The following DSG1 variants were observed in gnomAD, a reference collection of about 807,000 sequenced individuals.
DSG1 encodes desmoglein-1.
A neutral mutation model predicts 97.5 loss-of-function variants in DSG1; 39 were observed. The ratio of observed to expected loss-of-function variants is 0.40; its 90% CI spans 0.31 to 0.52. The LOEUF (loss-of-function observed/expected upper bound fraction) is 0.52. Among genes scored for constraint, DSG1 ranks in the 20% least tolerant of loss-of-function variants. DSG1 has a pLI of 0.53. For synonymous variants in DSG1, 475 were observed against 443.4 expected, an observed-to-expected ratio of 1.07 and a Z score of -0.90; for missense variants, 1,311 against 1,295.4, an observed-to-expected ratio of 1.01 and a Z score of -0.18.
At position 31,328,076 on chromosome 18, in the gene DSG1, A is replaced by G; in HGVS notation, c.217-113A>G. On this transcript the variant is annotated intron_variant, in intron 3 of 14. Transcript: ENST00000257192. ...TAGGAAAATAATCTCCATTGACAAC[A>G]TTTCCTAAATAACAAGGTCATCACA... The G allele has an allele frequency of 4.6e-6, 5 of 1,079,898 alleles. No homozygotes were observed. In the East Asian group the frequency reaches 1.0e-4, roughly 22 times the overall value. The allele number at this position is 1,079,898 out of a possible 1,614,324, so 66.9% of individuals were successfully genotyped here. A position where few individuals can be genotyped will look rare whatever the true frequency, so the allele number is the denominator to read the frequency against.
At chr18:31,326,739 G>A in intron 2 of DSG1, 123 bp downstream of exon 2, 1 of 1,335,808 alleles carries the variant, frequency 7.5e-7, no homozygotes, top group East Asian at 2.3e-5. Flanking sequence ...AAAATTAATA[G>A]ATTACCAAAA....
At chr18:31,333,410 G>A (rs528764750) in intron 6 of DSG1, among the ~76,000 whole-genome samples, 179 bp from the exon 7 acceptor site, 14 of 152,160 alleles carry the variant, frequency 9.2e-5, no homozygotes, top group African/African-American at 3.1e-4. Flanking sequence ...TAAATAATGC[G>A]TGATAAGTAT....
At chr18:31,343,635 T>C in intron 12 of DSG1, 52 bp downstream of exon 12, 1 of 1,613,528 alleles carries the variant, frequency 6.2e-7, no homozygotes, top group Non-Finnish European at 8.5e-7. Context: ...AAATTCAGTC[T>C]TTACACATGA....
At chr18:31,354,208 C>G in intron 14 of DSG1, 89 bp from the exon 15 acceptor site, 1 of 1,146,820 alleles carries the variant, frequency 8.7e-7, no homozygotes, top group Non-Finnish European at 1.3e-6. Flanking sequence ...TTTGGAAATG[C>G]TCTGGAAGAA....
rs1216005466 is a variant in DSG1 at position 31,357,812 on chromosome 18, A to G, written c.*2466A>G. 6.6e-6 allele frequency among the ~76,000 whole-genome samples: 1 copy of G among 152,038 alleles called. No homozygotes were observed. Among genetic ancestry groups the G allele is most frequent in the Non-Finnish European group, 1.5e-5 (1 of 67,896 alleles). On this transcript the variant is annotated 3_prime_UTR_variant, in exon 15 of 15. Transcript: ENST00000257192. ...TGGGAAAAACAAGAAAAACTGAAGTATTAGTCACCTATCTTTCTGGGAAGA... is the reference window on the plus strand; with the variant it reads ...TGGGAAAAACAAGAAAAACTGAAGTGTTAGTCACCTATCTTTCTGGGAAGA...
rs1419855302 is a variant in DSG1, at chr18:31,359,113, C to G, written c.*3767C>G. On this transcript the variant is annotated 3_prime_UTR_variant, in exon 15 of 15. Transcript: ENST00000257192. ...CTGGTGGTGTTTAACACAAGGTTCT[C>G]TTATTCAAGTTTCAATATAAAAGTT... Among the ~76,000 whole-genome samples the G allele has an allele frequency of 6.6e-6, 1 of 152,048 alleles. No individual in the cohort carries two copies. The highest frequency in any genetic ancestry group is 1.5e-5 in the Non-Finnish European group (1 of 67,968).
At chr18:31,339,083 A>G (rs1285656326) in intron 10 of DSG1, among the ~76,000 whole-genome samples, 7 of 152,152 alleles carry the variant, frequency 4.6e-5, no homozygotes, top group Admixed American at 3.3e-4. Flanking sequence ...TCCACTTTCA[A>G]TAATATTAGG....
At chr18:31,319,862 A>G (rs1313127232) in intron 1 of DSG1, among the ~76,000 whole-genome samples, 1 of 151,776 alleles carries the variant, frequency 6.6e-6, no homozygotes, top group Non-Finnish European at 1.5e-5. Flanking sequence ...TCAAAATCAT[A>G]TATCTTTATT....
chr18:31,354,522 C>T lies in DSG1; in HGVS notation c.2326C>T (p.Pro776Ser), dbSNP rs112401974. Residue 776 changes from proline to serine, a missense_variant, in exon 15 of 15, where the codon CCA becomes TCA. By Grantham distance (74) the Pro-to-Ser change is moderately conservative. Coordinates refer to ENST00000257192, the MANE Select transcript of DSG1 (RefSeq NM_001942.4). ...ESYPDLDPSWPPQSTEPVCLP... is the reference protein window; with the variant it reads ...ESYPDLDPSWSPQSTEPVCLP... ...ATATCCAGACCTTGATCCTTCTTGG[C>T]CACCACAAAGCACTGAACCAGTTTG... The T allele has an allele frequency of 4.3e-5, 69 of 1,614,152 alleles. No homozygotes were observed. In the African/African-American group the frequency reaches 6.5e-4, roughly 15 times the overall value.
intron 8 of DSG1, 73 bp downstream of exon 8, chr18:31,334,275 T>A (rs529757292): frequency 1.8e-6 from 2 of 1,104,438 alleles, no homozygotes; most frequent in Non-Finnish European, 2.7e-6. Flanking sequence ...AATAAAATGA[T>A]GCTAACATTT....
intron 3 of DSG1, 83 bp from the exon 4 acceptor site, chr18:31,328,106 A>G: frequency 2.7e-6 from 4 of 1,472,250 alleles, no homozygotes; most frequent in Non-Finnish European, 3.7e-6. Context: ...ATCACATGCA[A>G]CAACTCTCAA....
chr18:31,351,679 A>G (rs1232463706), intron 14 of DSG1, among the ~76,000 whole-genome samples: 2 of 150,856 alleles, frequency 1.3e-5, no homozygotes, highest in African/African-American at 4.9e-5. Flanking sequence ...TATATTTAGG[A>G]TAGTTAGCTC....
chr18:31,354,201 G>T, intron 14 of DSG1, 96 bp from the exon 15 acceptor site: 1 of 1,056,126 alleles, frequency 9.5e-7, no homozygotes, highest in East Asian at 2.4e-5. Flanking sequence ...ATTCCTCTTT[G>T]GAAATGCTCT....
At chr18:31,340,128 T>TGAGAA in intron 11 of DSG1, 103 bp downstream of exon 11, 1 of 1,269,504 alleles carries the variant, frequency 7.9e-7, no homozygotes, top group Non-Finnish European at 1.1e-6. Flanking sequence ...CAAATTCTCA[T>TGAGAA]TTTGTGCAAT....
In DSG1 at chr18:31,351,953, C is replaced by G. The variant is rs1460418910; in HGVS notation, c.2101-2344C>G. On this transcript the variant is annotated intron_variant, in intron 14 of 14. Transcript: ENST00000257192. ...GCCAGTCTGTGTCTTTTAATTGGAG[C>G]ATTTAGTCCATTTACATTTAAAGTT... is the stretch of plus-strand genomic sequence containing the variant. 7.3e-5 allele frequency among the ~76,000 whole-genome samples: 11 copies of G among 151,328 alleles called. No homozygotes were observed. The East Asian group carries it at 1.4e-3, about 19-fold the overall frequency.
rs369379695 is a variant in DSG1 at position 31,354,446 on chromosome 18, C to T, written c.2250C>T (p.Thr750=). Residue 750 remains threonine, a synonymous_variant, in exon 15 of 15, where the codon ACC becomes ACT. Transcript: ENST00000257192. ...ACCTGGATGACAGCTTCTTGGATAC[C>T]CTGGGACCTAAATTTAAGAAGTTGG... ...GEDLDDSFLD[T]LGPKFKKLAD... 14 of 1,613,894 alleles carry T rather than the reference C, an allele frequency of 8.7e-6. No homozygotes were observed. The African/African-American group carries it at 1.9e-4, about 22-fold the overall frequency.
chr18:31,351,129 C>T lies in DSG1; in HGVS notation c.2101-3168C>T, dbSNP rs992325201. The stretch of plus-strand genomic sequence containing the variant: ...TTAGTGCTATAAATTTCCCTCTACA[C>T]ACTGCTTTGAATGCGTCCCAGAGAT... On this transcript the variant is annotated intron_variant, in intron 14 of 14. Coordinates refer to ENST00000257192, the MANE Select transcript of DSG1 (RefSeq NM_001942.4). Among the ~76,000 whole-genome samples the T allele has an allele frequency of 1.8e-4, 26 of 147,034 alleles. 1 individual carries two copies. Among genetic ancestry groups the T allele is most frequent in the African/African-American group, 6.7e-4 (25 of 37,592 alleles).
Position 31,354,570 on chromosome 18 carries a change from G to A in DSG1, c.2374G>A (p.Val792Ile), listed in dbSNP as rs112716438. 7.3e-5 allele frequency: 118 copies of A among 1,614,140 alleles called. No homozygotes were observed. The highest frequency in any genetic ancestry group is 1.5e-4 in the African/African-American group (11 of 75,024). ...TTGCCTTCCTCAGGAAACAGAGCCC[G>A]TTGTTAGTGGACACCCACCAATCTC... ...PVCLPQETEP[V>I]VSGHPPISPH... The change falls in exon 15 of 15, where the codon GTT becomes ATT. Residue 792 changes from valine to isoleucine, a missense_variant. Val to Ile is a conservative substitution (Grantham distance 29). This residue lies in a region of DSG1 where 1,038 missense variants were observed against 964.6 expected (regional missense o/e 1.08). Coordinates refer to ENST00000257192, the MANE Select transcript of DSG1 (RefSeq NM_001942.4).
At position 31,345,998 on chromosome 18, in the gene DSG1, A is replaced by G. The variant is rs752725707; in HGVS notation, c.1900A>G (p.Thr634Ala). 2 of 1,613,464 alleles carry G rather than the reference A, an allele frequency of 1.2e-6. No individual in the cohort carries two copies. Among genetic ancestry groups the G allele is most frequent in the Non-Finnish European group, 1.7e-6 (2 of 1,179,520 alleles). Residue 634 changes from threonine (T) to alanine (A), a missense_variant, in exon 14 of 15, where the codon ACA (threonine) becomes GCA (alanine). By Grantham distance (58) the Thr-to-Ala change is moderately conservative. Transcript: ENST00000257192. The stretch of plus-strand genomic sequence containing the variant: ...TTGATCAACACTTTTAGGAGTTTAT[A>G]CAAATGAGTATGGTGGCAGAGAAAT... Reference protein sequence around the residue: ...IECIDNSGVYTNEYGGREMQD... With the variant: ...IECIDNSGVYANEYGGREMQD...
Sources: allele counts gnomAD v4.1 joint callset (sites outside exome capture counted in the v4.1 genomes callset), GRCh38; gene constraint gnomAD v4.1.1; regional missense constraint gnomAD v4.1.1; transcripts MANE v1.5; gene names NCBI Gene and HGNC (gene_info 2026-07-23, HGNC 2026-07-21).